ANTXR2: variants seen among roughly 807,000 people sequenced by gnomAD.
ANTXR2 encodes the protein anthrax toxin receptor 2.
Under a neutral mutation model 73.7 loss-of-function variants are expected in ANTXR2, and 44 were observed. The observed-to-expected ratio is 0.60, with a 90% CI of 0.47 to 0.77. The LOEUF (loss-of-function observed/expected upper bound fraction) is 0.77, where lower values mean the gene tolerates loss of function less well. ANTXR2 is among the 30% of genes least tolerant of loss of function. The pLI is 0.00. For missense variants in ANTXR2, 604 were observed against 592.5 expected (o/e 1.02, Z -0.20); for synonymous variants, 217 against 205.9 (o/e 1.05, Z -0.46).
At chr4:80,060,273 A>G (rs1044679948) in intron 3 of ANTXR2, among the ~76,000 whole-genome samples, 3 of 152,154 alleles carry the variant, frequency 2.0e-5, no homozygotes, top group Non-Finnish European at 2.9e-5. Context: ...CTCTATTTGA[A>G]GAGATTCTAA....
At chr4:79,915,862 C>CTCTCTCTCTA (rs377006532) in intron 16 of ANTXR2, among the ~76,000 whole-genome samples, 10 of 123,884 alleles carry the variant, frequency 8.1e-5, no homozygotes, top group African/African-American at 2.4e-4. Context: ...CTCTCTCTCT[C>CTCTCTCTCTA]TATATATATA....
chr4:79,977,346 CT>C (rs1729679013), intron 16 of ANTXR2, among the ~76,000 whole-genome samples: 1 of 152,136 alleles, frequency 6.6e-6, no homozygotes, highest in Non-Finnish European at 1.5e-5. Context: ...AAGTCAAGGG[CT>C]GATGCAATGA....
chr4:79,926,235 C>T (rs1398863751), intron 16 of ANTXR2, among the ~76,000 whole-genome samples: 1 of 152,050 alleles, frequency 6.6e-6, no homozygotes, highest in African/African-American at 2.4e-5. Context: ...GTGTATGTTT[C>T]TGAAGGAATT....
chr4:80,005,824 T>G (rs1731275632), intron 12 of ANTXR2, among the ~76,000 whole-genome samples: 2 of 152,132 alleles, frequency 1.3e-5, no homozygotes, highest in Admixed American at 1.3e-4. Flanking sequence ...CCAGCAAAGT[T>G]TCTTTCAGGT....
In ANTXR2 at chr4:79,993,229, A is replaced by G. The variant is rs146287991; in HGVS notation, c.1042-8366T>C. 1.6e-3 allele frequency among the ~76,000 whole-genome samples: 239 copies of G among 151,990 alleles called. 2 individuals are homozygous for G. Among genetic ancestry groups the G allele is most frequent in the East Asian group, 0.011 (57 of 5,158 alleles). ...GAAGTTAGGAAGAGGAAAAGGAAAG[A>G]AGTGAGAAGGGGAGAGAAAAGGAGG... On this transcript the variant is annotated intron_variant, in intron 12 of 16. Coordinates refer to ENST00000403729, the MANE Select transcript of ANTXR2 (RefSeq NM_058172.6).
At position 79,958,685 on chromosome 4, in the gene ANTXR2, C is replaced by T. The variant is rs145849588; in HGVS notation, c.1428+18936G>A. Among the ~76,000 whole-genome samples the T allele has an allele frequency of 1.5e-3, 230 of 152,248 alleles. 1 individual carries two copies. The highest frequency in any genetic ancestry group is 5.4e-3 in the African/African-American group (225 of 41,560). On this transcript the variant is annotated intron_variant, in intron 16 of 16. Transcript: ENST00000403729. ...ACAACCAACAGCTCGGACAGCTGTC[C>T]TACTTTAAGCAGTTAATGGAAAAGG...
chr4:79,972,920 T>TAAAAAAAAAAAAAAAA (rs746252575), intron 16 of ANTXR2, among the ~76,000 whole-genome samples: 1 of 53,180 alleles, frequency 1.9e-5, no homozygotes, highest in African/African-American at 1.5e-4. Context: ...TAGAGTATAA[T>TAAAAAAAAAAAAAAAA]AAAAAAAAAA....
At chr4:80,020,201 G>C (rs1489437537) in intron 10 of ANTXR2, among the ~76,000 whole-genome samples, 7 of 152,008 alleles carry the variant, frequency 4.6e-5, no homozygotes, top group Non-Finnish European at 1.0e-4. Flanking sequence ...AACACAGTGA[G>C]ATGCCCATCT....
chr4:79,973,312 GA>G (rs1389011826), intron 16 of ANTXR2, among the ~76,000 whole-genome samples: 1 of 152,136 alleles, frequency 6.6e-6, no homozygotes, highest in African/African-American at 2.4e-5. Flanking sequence ...TAAATCTCTG[GA>G]AAAATGTAGG....
At chr4:79,975,112 G>A (rs954811640) in intron 16 of ANTXR2, among the ~76,000 whole-genome samples, 3 of 152,082 alleles carry the variant, frequency 2.0e-5, no homozygotes, top group Admixed American at 6.6e-5. Flanking sequence ...AGCAAACCAC[G>A]AATCACTGCC....
intron 10 of ANTXR2, among the ~76,000 whole-genome samples, chr4:80,030,794 G>T (rs1455835679): frequency 6.6e-6 from 1 of 151,992 alleles, no homozygotes; most frequent in African/African-American, 2.4e-5. Context: ...TTTGGATTGT[G>T]GCCTTGTATA....
intron 16 of ANTXR2, among the ~76,000 whole-genome samples, chr4:79,951,620 C>T (rs1578106460): frequency 6.6e-6 from 1 of 151,516 alleles, no homozygotes; most frequent in Non-Finnish European, 1.5e-5. Flanking sequence ...AAAAGAACAA[C>T]CAAACGGGAC....
chr4:80,064,003 G>C (rs1052105069), intron 3 of ANTXR2, among the ~76,000 whole-genome samples: 3 of 152,054 alleles, frequency 2.0e-5, no homozygotes, highest in African/African-American at 7.2e-5. Flanking sequence ...CCTCTAAAAT[G>C]AATGTACCAA....
intron 12 of ANTXR2, among the ~76,000 whole-genome samples, chr4:80,005,378 T>C (rs1287469989): frequency 6.6e-6 from 1 of 152,134 alleles, no homozygotes; most frequent in East Asian, 1.9e-4. Context: ...ATAGATAAAT[T>C]TCATTTTCTA....
At chr4:80,055,787 T>G in intron 4 of ANTXR2, 145 bp downstream of exon 4, 1 of 650,378 alleles carries the variant, frequency 1.5e-6, no homozygotes, top group Non-Finnish European at 2.5e-6. Context: ...TTTTTCTACT[T>G]GTCTCAACTC....
At position 79,915,817 on chromosome 4, in the gene ANTXR2, TCTGTCTCTCTCC is replaced by T. The variant is rs1344031866; in HGVS notation, c.1429-8362_1429-8351del. On this transcript the variant is annotated intron_variant, in intron 16 of 16. Transcript: ENST00000403729. ...TTCTCTCTCTGTCTCTGTCTCTGTC[TCTGTCTCTCTCC>T]CTCTCTCTCTCTCTCTCTCTCTCTC... 2.1e-3 allele frequency among the ~76,000 whole-genome samples: 265 copies of T among 125,580 alleles called. 2 individuals are homozygous for T. Among genetic ancestry groups the T allele is most frequent in the South Asian group, 6.8e-3 (23 of 3,370 alleles). 82.4% of individuals were successfully genotyped at this position (125,580 alleles called of 152,430 possible). A position where few individuals can be genotyped will look rare whatever the true frequency, so the allele number is the denominator to read the frequency against.
At chr4:79,963,198 G>A (rs1729210890) in intron 16 of ANTXR2, among the ~76,000 whole-genome samples, 1 of 152,042 alleles carries the variant, frequency 6.6e-6, no homozygotes, top group Non-Finnish European at 1.5e-5. Context: ...AAAGGGCAAG[G>A]CCAGTGTGAG....
intron 16 of ANTXR2, among the ~76,000 whole-genome samples, chr4:79,922,257 T>C (rs1001476141): frequency 6.6e-6 from 1 of 152,084 alleles, no homozygotes. Flanking sequence ...ATTTATACTG[T>C]AAACATAGAT....
At chr4:80,013,348 A>G (rs899882224) in intron 11 of ANTXR2, among the ~76,000 whole-genome samples, 9 of 152,234 alleles carry the variant, frequency 5.9e-5, no homozygotes, top group Non-Finnish European at 1.2e-4. Context: ...TAAGCACAGC[A>G]CAAGCCCTGC....
Sources: gnomAD v4.1 joint callset for allele counts (sites outside exome capture counted in the v4.1 genomes callset) on GRCh38, gnomAD v4.1.1 for gene constraint, MANE v1.5 for transcripts, NCBI Gene and HGNC (gene_info 2026-07-23, HGNC 2026-07-21) for gene names.